PCDH11Y: variants seen among roughly 807,000 people sequenced by gnomAD.
PCDH11Y encodes protocadherin 11 Y-linked, also known as protocadherin-11 Y-linked.
For missense variants in PCDH11Y, 12 were observed against 224.8 expected (o/e 0.05, Z 6.05); for synonymous variants, 9 against 83.6 (o/e 0.11, Z 4.87).
At chrY:5,281,507 A>G in intron 2 of PCDH11Y, among the ~76,000 whole-genome samples, 1 of 30,195 alleles carries the variant, frequency 3.3e-5, no homozygotes, top group African/African-American at 1.3e-4. Flanking sequence ...CATTTATATT[A>G]TTATATAGGT....
At chrY:5,468,451 T>C in intron 2 of PCDH11Y, among the ~76,000 whole-genome samples, 1 of 32,523 alleles carries the variant, frequency 3.1e-5, no homozygotes. Context: ...ATAATGAAGA[T>C]TGGCATCATG....
chrY:5,543,123 C>T (rs2053409291), intron 3 of PCDH11Y, among the ~76,000 whole-genome samples: 1 of 33,156 alleles, frequency 3.0e-5, no homozygotes, highest in African/African-American at 1.2e-4. Context: ...CTTTAAATGT[C>T]ACTTGAGAAC....
chrY:5,694,949 A>T, intron 4 of PCDH11Y, among the ~76,000 whole-genome samples: 1 of 32,346 alleles, frequency 3.1e-5, no homozygotes, highest in Non-Finnish European at 7.6e-5. Flanking sequence ...TTTGGGTCTG[A>T]TCTGTTTTGT....
rs1569348695 is a variant in PCDH11Y, at chrY:5,599,037, T to G, written c.3352+17239T>G. ...CTTCTGGGACTGCCTTTCCTTGTAC[T>G]ATAATAGATTATCAGATTGAAAAAT... On this transcript the variant is annotated intron_variant, in intron 4 of 4. Transcript: ENST00000400457. 4.6e-4 allele frequency among the ~76,000 whole-genome samples: 15 copies of G among 32,575 alleles called. No individual in the cohort carries two copies. In the East Asian group the frequency reaches 0.011, roughly 25 times the overall value. The allele number at this position is 32,575 out of a possible 37,273, so 87.4% of individuals were successfully genotyped here.
intron 2 of PCDH11Y, among the ~76,000 whole-genome samples, chrY:5,361,005 A>G (rs207480310): frequency 3.1e-5 from 1 of 32,593 alleles, no homozygotes; most frequent in African/African-American, 1.3e-4. Flanking sequence ...TTATTTTTAG[A>G]TACCTCAGGA....
At chrY:5,456,382 G>A (rs2053298206) in intron 2 of PCDH11Y, among the ~76,000 whole-genome samples, 1 of 33,299 alleles carries the variant, frequency 3.0e-5, no homozygotes, top group Non-Finnish European at 7.4e-5. Context: ...TTCAGCCACC[G>A]TGGAAAGCAG....
At chrY:5,649,612 A>G in intron 4 of PCDH11Y, among the ~76,000 whole-genome samples, 1 of 31,893 alleles carries the variant, frequency 3.1e-5, no homozygotes, top group South Asian at 7.2e-4. Context: ...TACCGTTTAT[A>G]AAAACCTTCC....
intron 3 of PCDH11Y, among the ~76,000 whole-genome samples, chrY:5,565,510 T>C (rs2053433353): frequency 3.2e-5 from 1 of 31,616 alleles, no homozygotes; most frequent in Non-Finnish European, 7.7e-5. Flanking sequence ...GTGTGAATTC[T>C]ATTGTATATT....
At chrY:5,716,849 T>C in intron 4 of PCDH11Y, among the ~76,000 whole-genome samples, 1 of 32,991 alleles carries the variant, frequency 3.0e-5, no homozygotes, top group African/African-American at 1.2e-4. Flanking sequence ...AGAGCTATAG[T>C]AACCAAACAG....
Position 5,404,736 on chromosome Y carries a change from A to G in PCDH11Y, c.3130-96321A>G. ...TCATGCCATCATTTCAGAATCATAA[A>G]CAACAGTCATAGCAAAGATATGTCT... On this transcript the variant is annotated intron_variant, in intron 2 of 4. Transcript: ENST00000400457. Among the ~76,000 whole-genome samples the G allele has an allele frequency of 8.8e-5, 3 of 34,002 alleles. No homozygotes were observed. In the South Asian group the frequency reaches 1.9e-3, roughly 22 times the overall value. 91.2% of individuals were successfully genotyped at this position (34,002 alleles called of 37,273 possible).
At chrY:5,416,403 G>A in intron 2 of PCDH11Y, among the ~76,000 whole-genome samples, 1 of 33,093 alleles carries the variant, frequency 3.0e-5, no homozygotes, top group South Asian at 7.0e-4. Flanking sequence ...GGGTAGAAAA[G>A]AAAGCCCTCA....
intron 3 of PCDH11Y, among the ~76,000 whole-genome samples, chrY:5,046,352 T>A: frequency 3.0e-5 from 1 of 33,315 alleles, no homozygotes; most frequent in African/African-American, 1.2e-4. Context: ...CAGCTGCAGA[T>A]CTGTTGGAGT....
intron 2 of PCDH11Y, among the ~76,000 whole-genome samples, chrY:5,330,082 C>T (rs1414044537): frequency 3.4e-5 from 1 of 29,273 alleles, no homozygotes; most frequent in South Asian, 7.7e-4. Context: ...AGAGAGTCAG[C>T]GAAGGGAGAT....
intron 4 of PCDH11Y, among the ~76,000 whole-genome samples, chrY:5,650,488 C>G (rs2053530490): frequency 6.0e-5 from 2 of 33,084 alleles, no homozygotes. Flanking sequence ...TTACCAGAGA[C>G]TCCTTTCAGT....
chrY:5,718,416 C>G (rs1602963709), intron 4 of PCDH11Y, among the ~76,000 whole-genome samples: 105 of 32,346 alleles, frequency 3.2e-3, no homozygotes, highest in African/African-American at 0.012. Context: ...CCCATAATCC[C>G]CATGTGTTGT....
intron 4 of PCDH11Y, among the ~76,000 whole-genome samples, chrY:5,697,749 G>C: frequency 2.7e-4 from 9 of 32,915 alleles, no homozygotes; most frequent in South Asian, 2.1e-3. Context: ...ACACCACTCT[G>C]GTGGGTCTTG....
intron 2 of PCDH11Y, among the ~76,000 whole-genome samples, chrY:5,190,862 C>A: frequency 1.0e-4 from 3 of 29,785 alleles, no homozygotes; most frequent in Non-Finnish European, 2.4e-4. Flanking sequence ...GGAAGGAATG[C>A]AGATAAAACA....
chrY:5,233,840 A>G (rs2052971310), intron 2 of PCDH11Y, among the ~76,000 whole-genome samples: 1 of 33,370 alleles, frequency 3.0e-5, no homozygotes, highest in Non-Finnish European at 7.4e-5. Context: ...TCAAGTTCTA[A>G]AATTATCAAG....
chrY:5,028,902 G>A, intron 1 of PCDH11Y, among the ~76,000 whole-genome samples: 3 of 33,109 alleles, frequency 9.1e-5, no homozygotes, highest in Admixed American at 8.4e-4. Context: ...GTGTGTCTGT[G>A]GGGGGGAGAC....
Sources: gnomAD v4.1 joint callset for allele counts (sites outside exome capture counted in the v4.1 genomes callset) on GRCh38, gnomAD v4.1.1 for gene constraint, MANE v1.5 for transcripts, NCBI Gene and HGNC (gene_info 2026-07-23, HGNC 2026-07-21) for gene names.